ASTN2: variants seen among roughly 807,000 people sequenced by gnomAD.
ASTN2 encodes astrotactin-2.
In ASTN2, 54 loss-of-function variants were observed where a neutral mutation model predicts 139.8. The observed-to-expected ratio is 0.39, with a 90% CI of 0.31 to 0.48. ASTN2 has a LOEUF of 0.48. Among genes scored for constraint, ASTN2 ranks in the 20% least tolerant of loss-of-function variants. ASTN2 has a pLI of 0.95. For synonymous variants in ASTN2, 756 were observed against 719.5 expected (o/e 1.05, Z -0.81); for missense variants, 1,565 against 1,725.1 (o/e 0.91, Z 1.64).
At chr9:117,392,258 T>A (rs1280834760) in intron 1 of ASTN2, among the ~76,000 whole-genome samples, 1 of 152,124 alleles carries the variant, frequency 6.6e-6, no homozygotes, top group Admixed American at 6.5e-5. Context: ...ATACATGGAT[T>A]CAAAAGCTAC....
At chr9:116,810,162 C>T (rs1317556506) in intron 12 of ASTN2, among the ~76,000 whole-genome samples, 2 of 152,178 alleles carry the variant, frequency 1.3e-5, no homozygotes, top group Non-Finnish European at 2.9e-5. Context: ...CCTAATACAG[C>T]ATCTTTATAA....
At chr9:117,128,800 C>A (rs1829762173) in intron 4 of ASTN2, among the ~76,000 whole-genome samples, 1 of 152,124 alleles carries the variant, frequency 6.6e-6, no homozygotes, top group South Asian at 2.1e-4. Flanking sequence ...GGTGTAGAAG[C>A]CTCACAATCA....
chr9:116,936,200 C>G (rs1212340651), intron 10 of ASTN2, among the ~76,000 whole-genome samples: 1 of 130,080 alleles, frequency 7.7e-6, no homozygotes, highest in South Asian at 3.0e-4. Context: ...AGTACCACAA[C>G]CATCACCATC....
At chr9:117,299,790 A>G (rs762513487) in intron 1 of ASTN2, among the ~76,000 whole-genome samples, 1 of 152,182 alleles carries the variant, frequency 6.6e-6, no homozygotes, top group Non-Finnish European at 1.5e-5. Context: ...GGATGGACTG[A>G]TGGGTGAATG....
rs548408706 is a variant in ASTN2, at chr9:116,438,720, G to A, written c.3782+1889C>T. Among the ~76,000 whole-genome samples, 30 of 152,274 alleles carry A rather than the reference G, an allele frequency of 2.0e-4. 1 individual carries two copies. The highest frequency in any genetic ancestry group is 6.2e-4 in the South Asian group (3 of 4,824). ...AGCACTTTGGGAGGCTGAGATGGGC[G>A]GATTACTTGAGGTCAGGAGTTTGAA... On this transcript the variant is annotated intron_variant, in intron 22 of 22. Coordinates refer to ENST00000313400, the MANE Select transcript of ASTN2 (RefSeq NM_001365068.1).
chr9:117,124,843 G>GTGCCAGGTTC (rs1829647471), intron 4 of ASTN2, among the ~76,000 whole-genome samples: 1 of 148,854 alleles, frequency 6.7e-6, no homozygotes, highest in Non-Finnish European at 1.5e-5. Flanking sequence ...TGTGGCATCT[G>GTGCCAGGTTC]TGCCAGGTTC....
intron 3 of ASTN2, among the ~76,000 whole-genome samples, chr9:117,155,830 C>T (rs1051285659): frequency 1.5e-4 from 23 of 152,038 alleles, no homozygotes; most frequent in Non-Finnish European, 3.1e-4. Flanking sequence ...TCTCTCCTAA[C>T]TTTTCATTCA....
chr9:116,943,728 A>T (rs2085298874), intron 10 of ASTN2, among the ~76,000 whole-genome samples: 1 of 152,184 alleles, frequency 6.6e-6, no homozygotes, highest in Non-Finnish European at 1.5e-5. Context: ...AACTCTGGGC[A>T]GTGTCTTGTG....
chr9:116,478,434 G>A (rs995821492), intron 20 of ASTN2, among the ~76,000 whole-genome samples: 1 of 152,090 alleles, frequency 6.6e-6, no homozygotes, highest in Non-Finnish European at 1.5e-5. Flanking sequence ...GGTGTGTCCT[G>A]GATAAACCCT....
chr9:117,009,810 G>A (rs186090180), intron 6 of ASTN2, among the ~76,000 whole-genome samples: 105 of 152,302 alleles, frequency 6.9e-4, no homozygotes, highest in Non-Finnish European at 1.2e-3. Context: ...TCTGCTGGCT[G>A]ACCTATGGTT....
chr9:116,990,818 G>C (rs181551576), intron 7 of ASTN2, among the ~76,000 whole-genome samples: 62 of 152,300 alleles, frequency 4.1e-4, no homozygotes, highest in African/African-American at 1.4e-3. Flanking sequence ...AGCAACGTGT[G>C]TCTAAGCAGC....
chr9:117,308,997 T>C (rs371102431), intron 1 of ASTN2, among the ~76,000 whole-genome samples: 28 of 152,364 alleles, frequency 1.8e-4, no homozygotes, highest in African/African-American at 6.5e-4. Flanking sequence ...TTTACCACTA[T>C]GGGCATTAAT....
chr9:117,018,528 T>C (rs1837781710), intron 6 of ASTN2, among the ~76,000 whole-genome samples: 1 of 152,156 alleles, frequency 6.6e-6, no homozygotes, highest in Non-Finnish European at 1.5e-5. Context: ...AGTGTGTGTA[T>C]GTTTGTAAGT....
At chr9:116,631,899 A>G (rs371674972) in intron 17 of ASTN2, among the ~76,000 whole-genome samples, 2 of 152,094 alleles carry the variant, frequency 1.3e-5, no homozygotes, top group East Asian at 3.9e-4. Context: ...GCGGATCACA[A>G]GGTCAAGAGA....
At chr9:116,723,642 A>G (rs1828535396) in intron 16 of ASTN2, among the ~76,000 whole-genome samples, 1 of 152,196 alleles carries the variant, frequency 6.6e-6, no homozygotes, top group Non-Finnish European at 1.5e-5. Flanking sequence ...TTTCAACTCT[A>G]CAGATGCATA....
At chr9:116,673,693 C>T (rs1238995355) in intron 16 of ASTN2, among the ~76,000 whole-genome samples, 2 of 152,146 alleles carry the variant, frequency 1.3e-5, no homozygotes, top group African/African-American at 4.8e-5. Context: ...TGCCTGGGGC[C>T]ACCAGAAGTT....
intron 19 of ASTN2, among the ~76,000 whole-genome samples, chr9:116,516,998 TA>T (rs1850679159): frequency 6.6e-6 from 1 of 152,184 alleles, no homozygotes; most frequent in Non-Finnish European, 1.5e-5. Context: ...CTGACATGCT[TA>T]TCCCTGCCCC....
chr9:117,348,761 C>T (rs1459558382), intron 1 of ASTN2, among the ~76,000 whole-genome samples: 1 of 151,816 alleles, frequency 6.6e-6, no homozygotes, highest in African/African-American at 2.4e-5. Context: ...AAGTGCCAAA[C>T]ACTTTGTATA....
chr9:117,247,967 C>T (rs1176452751), intron 2 of ASTN2, among the ~76,000 whole-genome samples: 1 of 152,188 alleles, frequency 6.6e-6, no homozygotes, highest in African/African-American at 2.4e-5. Context: ...CTCAGCGACC[C>T]CTGCACAGTG....
Sources: allele counts gnomAD v4.1 joint callset (sites outside exome capture counted in the v4.1 genomes callset), GRCh38; gene constraint gnomAD v4.1.1; transcripts MANE v1.5; gene names NCBI Gene and HGNC (gene_info 2026-07-23, HGNC 2026-07-21).